The following CBR4 variants were observed in gnomAD, a reference collection of about 807,000 sequenced individuals.
The protein encoded by CBR4 is 3-oxoacyl-[acyl-carrier-protein] reductase.
CBR4 carries 22 observed loss-of-function variants against 21.0 expected under a neutral mutation model. That is an observed-to-expected ratio of 1.05 (90% CI 0.75 to 1.50). The LOEUF (loss-of-function observed/expected upper bound fraction) is 1.50. Among genes scored for constraint, CBR4 ranks in the 40% most tolerant of loss-of-function variants. The pLI is 0.00. For missense variants in CBR4, 302 were observed against 286.3 expected (o/e 1.05, Z -0.40); for synonymous variants, 100 against 104.4 (o/e 0.96, Z 0.26).
At chr4:168,939,697 AAG>A (rs1014810170) in intron 2 of CBR4, among the ~76,000 whole-genome samples, 4 of 152,188 alleles carry the variant, frequency 2.6e-5, no homozygotes, top group Non-Finnish European at 5.9e-5. Flanking sequence ...AATTGCTACA[AAG>A]AGAATAAAAT....
At chr4:169,004,954 G>A (rs1730780364) in intron 3 of CBR4, among the ~76,000 whole-genome samples, 1 of 151,958 alleles carries the variant, frequency 6.6e-6, no homozygotes, top group South Asian at 2.1e-4. Flanking sequence ...CCACTGACCT[G>A]TACTTATGAT....
chr4:168,894,508 C>G, intron 3 of CBR4: 2 of 930,856 alleles, frequency 2.1e-6, no homozygotes, highest in Non-Finnish European at 1.7e-6. Flanking sequence ...GTTTTTTACT[C>G]TTTTTCATAG....
At chr4:169,003,465 C>T (rs1730636218) in intron 3 of CBR4, among the ~76,000 whole-genome samples, 1 of 152,042 alleles carries the variant, frequency 6.6e-6, no homozygotes, top group Non-Finnish European at 1.5e-5. Flanking sequence ...GATGGAATCT[C>T]TTCCTTGTGA....
chr4:168,954,717 T>C (rs929073584), intron 2 of CBR4, among the ~76,000 whole-genome samples: 1 of 152,196 alleles, frequency 6.6e-6, no homozygotes, highest in African/African-American at 2.4e-5. Flanking sequence ...CCAAATGAAG[T>C]CATAAACCAT....
At chr4:168,908,193 C>T (rs1183867647) in intron 2 of CBR4, among the ~76,000 whole-genome samples, 1 of 152,100 alleles carries the variant, frequency 6.6e-6, no homozygotes, top group Admixed American at 6.5e-5. Flanking sequence ...TTGGGGGCTT[C>T]AGTAACTGGT....
chr4:168,896,366 A>C (rs1444227315), intron 2 of CBR4, among the ~76,000 whole-genome samples: 1 of 152,194 alleles, frequency 6.6e-6, no homozygotes, highest in Non-Finnish European at 1.5e-5. Flanking sequence ...TGAATATCTC[A>C]TGTGATTTAT....
chr4:168,894,610 G>A lies in CBR4; in HGVS notation n.325C>T, dbSNP rs4293759. 5.0e-6 allele frequency: 8 copies of A among 1,613,224 alleles called. No homozygotes were observed. The highest frequency in any genetic ancestry group is 3.3e-5 in the South Asian group (3 of 91,030). ...ACATACGAAGAAAGAATGGCTCGTCGACTGCTAGGTGCTGACAGTGCAACT... is the reference window on the plus strand; with the variant it reads ...ACATACGAAGAAAGAATGGCTCGTCAACTGCTAGGTGCTGACAGTGCAACT... On this transcript the variant is annotated non_coding_transcript_exon_variant, in exon 3 of 4. Coordinates refer to the CBR4 transcript ENST00000509108.
chr4:168,921,406 C>CAAAA (rs5863967), intron 2 of CBR4: 193 of 362,128 alleles, frequency 5.3e-4, no homozygotes, highest in East Asian at 9.1e-4. Context: ...AAACTCTGTC[C>CAAAA]AAAAAAAAAA....
At position 168,987,868 on chromosome 4, in the gene CBR4, G is replaced by A; in HGVS notation, c.*2282C>T. ...AAAAAGCAGTTACAAACCATAAATT[G>A]AATATGAATAAAATATGAAAAAGAG... is the stretch of plus-strand genomic sequence containing the variant. On this transcript the variant is annotated 3_prime_UTR_variant, in exon 5 of 5. Coordinates refer to ENST00000306193, the MANE Select transcript of CBR4 (RefSeq NM_032783.5). 8.2e-6 allele frequency: 8 copies of A among 980,094 alleles called. No homozygotes were observed. Among genetic ancestry groups the A allele is most frequent in the Non-Finnish European group, 9.7e-6 (8 of 825,264 alleles). The allele number at this position is 980,094 out of a possible 1,614,324, so 60.7% of individuals were successfully genotyped here.
Position 168,925,021 on chromosome 4 carries a change from G to A in CBR4, n.170-30256C>T, listed in dbSNP as rs368806050. On this transcript the variant is annotated intron_variant and non_coding_transcript_variant, in intron 2 of 3. Coordinates refer to the CBR4 transcript ENST00000509108. ...AAAAGAAGATGCTGGGTGGTATACT[G>A]TGTCAGCCAAGAATGAAGCAGGGAT... 2 of 1,614,084 alleles carry A rather than the reference G, an allele frequency of 1.2e-6. No individual in the cohort carries two copies.
intron 2 of CBR4, among the ~76,000 whole-genome samples, chr4:168,908,693 T>C (rs532536345): frequency 1.3e-5 from 2 of 152,236 alleles, no homozygotes; most frequent in South Asian, 4.1e-4. Flanking sequence ...GTATGTTTTC[T>C]AGTACACTGT....
intron 4 of CBR4, among the ~76,000 whole-genome samples, chr4:168,995,488 C>T (rs1243422477): frequency 1.3e-5 from 2 of 152,112 alleles, no homozygotes; most frequent in African/African-American, 4.8e-5. Flanking sequence ...CAGGGACAAT[C>T]CCAGTGAGAT....
intron 2 of CBR4, among the ~76,000 whole-genome samples, chr4:168,970,260 TTC>T (rs1764165448): frequency 6.6e-6 from 1 of 152,192 alleles, no homozygotes; most frequent in Non-Finnish European, 1.5e-5. Context: ...GACCAAACTT[TTC>T]TTTTTTATGT....
intron 2 of CBR4, among the ~76,000 whole-genome samples, chr4:168,911,700 A>G (rs1758987070): frequency 6.6e-6 from 1 of 152,176 alleles, no homozygotes; most frequent in Non-Finnish European, 1.5e-5. Context: ...GGAATCCCAA[A>G]TGTTTGCCAA....
chr4:168,914,123 T>G (rs1759621664), intron 2 of CBR4: 1 of 783,664 alleles, frequency 1.3e-6, no homozygotes, highest in African/African-American at 1.7e-5. Flanking sequence ...TAAACATAAC[T>G]GGAAGATAGA....
intron 2 of CBR4, among the ~76,000 whole-genome samples, chr4:168,931,906 C>A (rs569655720): frequency 2.6e-5 from 4 of 151,606 alleles, no homozygotes; most frequent in Admixed American, 6.6e-5. Context: ...AACACACCCC[C>A]CCTAACTGAC....
chr4:168,895,745 G>A (rs146930175), intron 2 of CBR4, among the ~76,000 whole-genome samples: 457 of 152,264 alleles, frequency 3.0e-3, no homozygotes, highest in Admixed American at 6.7e-3. Context: ...GACCCATGCA[G>A]TTCAAACCTG....
chr4:168,977,872 T>C (rs10518037), intron 2 of CBR4, among the ~76,000 whole-genome samples: 102,839 of 152,042 alleles, frequency 0.68, 36,786 homozygotes, highest in East Asian at 0.96. Context: ...ATTTGACCAC[T>C]TGTCTCCATT....
chr4:168,971,068 T>C (rs950134540), intron 2 of CBR4, among the ~76,000 whole-genome samples: 12 of 152,196 alleles, frequency 7.9e-5, no homozygotes, highest in African/African-American at 2.9e-4. Context: ...ATAGTGGTTG[T>C]ACTAGTTTAC....
Sources: gnomAD v4.1 joint callset for allele counts (sites outside exome capture counted in the v4.1 genomes callset) on GRCh38, gnomAD v4.1.1 for gene constraint, MANE v1.5 for transcripts, NCBI Gene and HGNC (gene_info 2026-07-23, HGNC 2026-07-21) for gene names.